The following MFN1 variants were observed in gnomAD, a reference collection of about 807,000 sequenced individuals.
The protein encoded by MFN1 is mitofusin 1.
Under a neutral mutation model 92.4 loss-of-function variants are expected in MFN1, and 65 were observed. The ratio of observed to expected loss-of-function variants is 0.70; its 90% CI spans 0.58 to 0.86. The LOEUF (loss-of-function observed/expected upper bound fraction) is 0.86. Ranked by LOEUF, MFN1 falls within the 40% of genes least tolerant of loss-of-function variation. The pLI, the probability that MFN1 is intolerant of heterozygous loss-of-function variation, is 0.00. For missense variants in MFN1, 781 were observed against 868.0 expected (o/e 0.90, Z 1.26); for synonymous variants, 297 against 300.9 (o/e 0.99, Z 0.13).
Position 179,365,100 on chromosome 3 carries a change from G to GTT in MFN1, c.646-11_646-10dup. 1 of 1,393,266 alleles carries GTT rather than the reference G, an allele frequency of 7.2e-7. No homozygotes were observed. Among genetic ancestry groups the GTT allele is most frequent in the South Asian group, 1.4e-5 (1 of 73,012 alleles). 86.3% of individuals were successfully genotyped at this position (1,393,266 alleles called of 1,614,324 possible). ...TAAATTATAGTGAATGTACTGTGGG[G>GTT]TTTTTTTTGTTTTTCAGGAAAAACA... On this transcript the variant is annotated splice_polypyrimidine_tract_variant and intron_variant, in intron 6 of 17. Coordinates refer to ENST00000471841, the MANE Select transcript of MFN1 (RefSeq NM_033540.3).
chr3:179,392,024 A>G lies in MFN1; in HGVS notation c.2191A>G (p.Lys731Glu). 6.2e-7 allele frequency: 1 copy of G among 1,611,850 alleles called. No homozygotes were observed. The highest frequency in any genetic ancestry group is 8.5e-7 in the Non-Finnish European group (1 of 1,178,360). ...TGAAAATGAGCTGGAGAATTTTACT[A>G]AGCAGTTTCTACCTTCAAGCAATGA... The part of the protein sequence containing the change: ...QLENELENFT[K>E]QFLPSSNEES The change falls in exon 18 of 18, where the codon AAG (lysine) becomes GAG (glutamate). Residue 731 changes from lysine to glutamate, a missense_variant. By Grantham distance (56) the Lys-to-Glu change is moderately conservative (BLOSUM62 1). Coordinates refer to ENST00000471841, the MANE Select transcript of MFN1 (RefSeq NM_033540.3).
At chr3:179,388,184 C>G (rs1713766307) in intron 16 of MFN1, among the ~76,000 whole-genome samples, 1 of 152,148 alleles carries the variant, frequency 6.6e-6, no homozygotes, top group South Asian at 2.1e-4. Context: ...CCACCGCGCC[C>G]AGCCAGATCT....
At chr3:179,350,558 T>C (rs969818584) in intron 2 of MFN1, among the ~76,000 whole-genome samples, 1 of 152,196 alleles carries the variant, frequency 6.6e-6, no homozygotes, top group Non-Finnish European at 1.5e-5. Context: ...ATGACAGCTT[T>C]AGAATCTGAA....
chr3:179,389,801 T>G (rs1713831623), intron 16 of MFN1, among the ~76,000 whole-genome samples: 1 of 152,138 alleles, frequency 6.6e-6, no homozygotes, highest in African/African-American at 2.4e-5. Flanking sequence ...CACAGCCATA[T>G]AGCAGAGGTA....
At chr3:179,368,551 T>G (rs1456000295) in intron 9 of MFN1, among the ~76,000 whole-genome samples, 2 of 152,208 alleles carry the variant, frequency 1.3e-5, no homozygotes, top group Non-Finnish European at 2.9e-5. Flanking sequence ...TTTATTATAT[T>G]TATATACTGT....
chr3:179,372,647 A>G (rs1713069078), intron 9 of MFN1, among the ~76,000 whole-genome samples: 1 of 152,106 alleles, frequency 6.6e-6, no homozygotes, highest in Non-Finnish European at 1.5e-5. Context: ...CTTACTCATC[A>G]TTATATATTT....
rs575808014 is a variant in MFN1, at chr3:179,356,232, T to C, written c.249-2608T>C. ...GATCAGGGGATTAGAGGACTGGAAC[T>C]TTCCTTCCCACCCACCCATTTCCAG... On this transcript the variant is annotated intron_variant, in intron 3 of 17. Coordinates refer to ENST00000471841, the MANE Select transcript of MFN1 (RefSeq NM_033540.3). 2.0e-5 allele frequency among the ~76,000 whole-genome samples: 3 copies of C among 152,300 alleles called. No homozygotes were observed. In the East Asian group the frequency reaches 5.8e-4, roughly 29 times the overall value.
At chr3:179,359,047 TC>T in intron 4 of MFN1, 45 bp downstream of exon 4, 1 of 1,508,130 alleles carries the variant, frequency 6.6e-7, no homozygotes, top group Non-Finnish European at 8.9e-7. Context: ...TGAAACAATG[TC>T]CTGAACTTAT....
intron 9 of MFN1, among the ~76,000 whole-genome samples, chr3:179,373,450 CACAAT>C (rs1713098532): frequency 6.6e-6 from 1 of 151,958 alleles, no homozygotes. Context: ...AAGCAATTAC[CACAAT>C]TTGTATTAGC....
chr3:179,358,776 C>G, intron 3 of MFN1, 64 bp from the exon 4 acceptor site: 1 of 1,495,652 alleles, frequency 6.7e-7, no homozygotes, highest in Non-Finnish European at 9.0e-7. Context: ...GATATTAGAC[C>G]CAGTGAAAGA....
chr3:179,388,056 A>AT (rs1045084857), intron 16 of MFN1, among the ~76,000 whole-genome samples: 156 of 134,626 alleles, frequency 1.2e-3, no homozygotes, highest in African/African-American at 2.7e-3. Context: ...TTTTTTTTGT[A>AT]TTTTTTTTTT....
At chr3:179,390,173 T>G in intron 17 of MFN1, 35 bp downstream of exon 17, 23 of 1,465,654 alleles carry the variant, frequency 1.6e-5, no homozygotes, top group Non-Finnish European at 2.0e-5. Context: ...ATTTGAACAT[T>G]TACTGGTCTC....
rs201585168 is a variant in MFN1, at chr3:179,385,550, T to TTC, written c.1663-15_1663-14dup. The TTC allele has an allele frequency of 6.8e-7, 1 of 1,466,966 alleles. No individual in the cohort carries two copies. Among genetic ancestry groups the TTC allele is most frequent in the East Asian group, 2.5e-5 (1 of 39,478 alleles). 90.9% of individuals were successfully genotyped at this position (1,466,966 alleles called of 1,614,324 possible). Reference sequence around the variant, plus strand: ...TTGTTTAAGTGTAATCTTTTTTCCTTTCTCTTTTTTTTTGGCAGCTCCCTA... The same window carrying TTC: ...TTGTTTAAGTGTAATCTTTTTTCCTTTCTCTCTTTTTTTTTGGCAGCTCCCTA... On this transcript the variant is annotated intron_variant, in intron 14 of 17. Coordinates refer to ENST00000471841, the MANE Select transcript of MFN1 (RefSeq NM_033540.3).
rs1714024059 is a variant in MFN1 at position 179,394,461 on chromosome 3, G to A, written c.*2402G>A. The A allele has an allele frequency of 1.5e-5, 2 of 137,074 alleles. No individual in the cohort carries two copies. Among genetic ancestry groups the A allele is most frequent in the Admixed American group, 1.6e-4 (2 of 12,346 alleles). The allele number at this position is 137,074 out of a possible 1,614,324, so 8.5% of individuals were successfully genotyped here. A position where few individuals can be genotyped will look rare whatever the true frequency, so the allele number is the denominator to read the frequency against. Reference sequence around the variant, plus strand: ...GACGGAGTCTCGCTCTGTCGCCCAGGCTGGAGTGCAGTGGCGCGATCTCGG... The same window carrying A: ...GACGGAGTCTCGCTCTGTCGCCCAGACTGGAGTGCAGTGGCGCGATCTCGG... On this transcript the variant is annotated 3_prime_UTR_variant, in exon 18 of 18. Transcript: ENST00000471841.
chr3:179,378,972 C>T (rs1438550044), intron 14 of MFN1, among the ~76,000 whole-genome samples, 158 bp downstream of exon 14: 1 of 152,106 alleles, frequency 6.6e-6, no homozygotes, highest in Non-Finnish European at 1.5e-5. Flanking sequence ...TGAGCATCTC[C>T]AATCTGAAAA....
chr3:179,377,298 A>G (rs1346701748), intron 11 of MFN1, 46 bp from the exon 12 acceptor site: 3 of 1,532,490 alleles, frequency 2.0e-6, no homozygotes, highest in Non-Finnish European at 8.9e-7. Context: ...TGAATAATTG[A>G]TAATCTTGTT....
Position 179,378,424 on chromosome 3 carries a change from G to T in MFN1, c.1413G>T (p.Gln471His). The T allele has an allele frequency of 1.3e-6, 2 of 1,596,418 alleles. No individual in the cohort carries two copies. The highest frequency in any genetic ancestry group is 1.7e-6 in the Non-Finnish European group (2 of 1,175,182). ...CTDEVNALVLQTQQEIIENLK... is the reference protein window; with the variant it reads ...CTDEVNALVLHTQQEIIENLK... ...ATGAAGTAAACGCCTTAGTGCTTCA[G>T]ACCCAGCAAGAAATTATTGGTAATA... Residue 471 changes from glutamine to histidine, a missense_variant, in exon 13 of 18, where the codon CAG (glutamine) becomes CAT (histidine). Coordinates refer to ENST00000471841, the MANE Select transcript of MFN1 (RefSeq NM_033540.3).
intron 9 of MFN1, among the ~76,000 whole-genome samples, chr3:179,374,668 A>G (rs531338537): frequency 1.3e-5 from 2 of 152,218 alleles, no homozygotes; most frequent in East Asian, 1.9e-4. Flanking sequence ...TATTTTTTCT[A>G]TAAACAATTT....
At chr3:179,375,424 T>C (rs1339804080) in intron 10 of MFN1, 83 bp downstream of exon 10, 2 of 1,519,332 alleles carry the variant, frequency 1.3e-6, no homozygotes, top group Non-Finnish European at 1.8e-6. Context: ...ATTGTTGTAC[T>C]ATAAATACTT....
Sources: allele counts gnomAD v4.1 joint callset (sites outside exome capture counted in the v4.1 genomes callset), GRCh38; gene constraint gnomAD v4.1.1; transcripts MANE v1.5; gene names NCBI Gene and HGNC (gene_info 2026-07-23, HGNC 2026-07-21).